The following EPHA4 variants were observed in gnomAD, a reference collection of about 807,000 sequenced individuals.
EPHA4 encodes the protein EPH receptor A4, also known as ephrin type-A receptor 4.
In EPHA4, 19 loss-of-function variants were observed where a neutral mutation model predicts 108.3. The observed-to-expected ratio is 0.18, with a 90% CI of 0.12 to 0.26. EPHA4 has a LOEUF of 0.26. Ranked by LOEUF, EPHA4 falls within the 10% of genes least tolerant of loss-of-function variation. The pLI is 1.00. For synonymous variants in EPHA4, 449 were observed against 455.5 expected, an observed-to-expected ratio of 0.99 and a Z score of 0.18; for missense variants, 917 against 1,254.0, an observed-to-expected ratio of 0.73 and a Z score of 4.06.
At chr2:221,476,050 C>T (rs1029933960) in intron 5 of EPHA4, among the ~76,000 whole-genome samples, 1 of 152,162 alleles carries the variant, frequency 6.6e-6, no homozygotes, top group Non-Finnish European at 1.5e-5. Flanking sequence ...AAAACCCCAT[C>T]TCTACTAAAA....
intron 3 of EPHA4, among the ~76,000 whole-genome samples, chr2:221,512,421 C>T (rs1029709713): frequency 2.6e-5 from 4 of 152,174 alleles, no homozygotes; most frequent in South Asian, 2.1e-4. Context: ...TCCTCACCAC[C>T]GCTAGCACAT....
chr2:221,564,158 G>A lies in EPHA4; in HGVS notation c.396C>T (p.Asp132=). 1.2e-6 allele frequency: 2 copies of A among 1,614,110 alleles called. No individual in the cohort carries two copies. Among genetic ancestry groups the A allele is most frequent in the Non-Finnish European group, 8.5e-7 (1 of 1,180,008 alleles). ...GGTTCTCTCTGATGAAACGCTCTTTGTCGTTGTCTGATTCATAGTAGTACA... is the reference window on the plus strand; with the variant it reads ...GGTTCTCTCTGATGAAACGCTCTTTATCGTTGTCTGATTCATAGTAGTACA... The part of the protein sequence containing the change: ...FNLYYYESDN[D]KERFIRENQF... The change falls in exon 3 of 18, where the codon GAC becomes GAT. Residue 132 remains aspartate, a synonymous_variant. Transcript: ENST00000281821.
chr2:221,566,854 G>GAGA lies in EPHA4; in HGVS notation c.159+1861_159+1863dup, dbSNP rs769632541. ...GAAGGAGAAGAAGGAGAAGGAGAAG[G>GAGA]AGAAGAAGAAGAAGAAGAAGAAGGA... On this transcript the variant is annotated intron_variant, in intron 2 of 17. Transcript: ENST00000281821. Among the ~76,000 whole-genome samples the GAGA allele has an allele frequency of 1.2e-3, 65 of 53,286 alleles. 8 individuals carry two copies. Among genetic ancestry groups the GAGA allele is most frequent in the South Asian group, 6.0e-3 (8 of 1,326 alleles). The allele number at this position is 53,286 out of a possible 152,430, so 35.0% of individuals were successfully genotyped here.
intron 15 of EPHA4, 144 bp from the exon 16 acceptor site, chr2:221,426,763 T>G (rs985657650): frequency 2.7e-6 from 2 of 731,396 alleles, no homozygotes; most frequent in African/African-American, 3.6e-5. Flanking sequence ...TAAATGTAAC[T>G]ATGCAATATT....
At chr2:221,491,760 A>G (rs1010110334) in intron 4 of EPHA4, among the ~76,000 whole-genome samples, 1 of 152,176 alleles carries the variant, frequency 6.6e-6, no homozygotes, top group Middle Eastern at 3.4e-3. Context: ...GTTTCTATTA[A>G]AGGTTCTTTT....
intron 3 of EPHA4, among the ~76,000 whole-genome samples, chr2:221,527,941 T>C (rs1324183612): frequency 6.6e-6 from 1 of 152,188 alleles, no homozygotes; most frequent in Non-Finnish European, 1.5e-5. Context: ...CTGAGGCTCA[T>C]GAGCAGAGAC....
intron 3 of EPHA4, among the ~76,000 whole-genome samples, chr2:221,529,583 C>G (rs1026234986): frequency 6.6e-6 from 1 of 152,188 alleles, no homozygotes; most frequent in Non-Finnish European, 1.5e-5. Context: ...TTGAGATCCT[C>G]CAGTATCAAA....
chr2:221,430,190 C>A, intron 14 of EPHA4, 39 bp from the exon 15 acceptor site: 2 of 1,554,950 alleles, frequency 1.3e-6, no homozygotes, highest in Middle Eastern at 2.4e-4. Context: ...AGCTGCCAGG[C>A]AAGCTGCTGT....
chr2:221,497,249 A>G (rs1228571663), intron 4 of EPHA4, among the ~76,000 whole-genome samples: 1 of 152,208 alleles, frequency 6.6e-6, no homozygotes, highest in Non-Finnish European at 1.5e-5. Flanking sequence ...CCCCAGAGGT[A>G]GATGGTGAGA....
At chr2:221,568,835 A>G (rs1694745746) in intron 1 of EPHA4, 50 bp from the exon 2 acceptor site, 3 of 1,527,116 alleles carry the variant, frequency 2.0e-6, no homozygotes, top group Non-Finnish European at 2.7e-6. Context: ...CAAAAAGCCA[A>G]TAACACAAAA....
intron 4 of EPHA4, among the ~76,000 whole-genome samples, chr2:221,497,382 G>A (rs1692329623): frequency 6.6e-6 from 1 of 152,168 alleles, no homozygotes; most frequent in Non-Finnish European, 1.5e-5. Flanking sequence ...GTCGCCATCA[G>A]CACTTTGTTT....
chr2:221,544,197 C>T (rs772287191), intron 3 of EPHA4, among the ~76,000 whole-genome samples: 7 of 152,322 alleles, frequency 4.6e-5, no homozygotes, highest in Non-Finnish European at 1.0e-4. Context: ...CATAAATATT[C>T]AGATCATCGT....
intron 4 of EPHA4, among the ~76,000 whole-genome samples, chr2:221,485,630 CT>C (rs1414714792): frequency 6.6e-6 from 1 of 151,970 alleles, no homozygotes; most frequent in Non-Finnish European, 1.5e-5. Context: ...AGGACACACG[CT>C]TTACAAATTA....
intron 5 of EPHA4, among the ~76,000 whole-genome samples, chr2:221,478,626 A>C (rs1211901575): frequency 6.6e-6 from 1 of 152,046 alleles, no homozygotes; most frequent in African/African-American, 2.4e-5. Context: ...TCTTCCCTTC[A>C]TTGTTTCTGG....
intron 5 of EPHA4, among the ~76,000 whole-genome samples, chr2:221,459,912 G>A (rs1691087657): frequency 6.6e-6 from 1 of 152,118 alleles, no homozygotes; most frequent in African/African-American, 2.4e-5. Context: ...CCTGATAATC[G>A]ACAGATTCCT....
rs1694825670 is a variant in EPHA4, at chr2:221,571,219, G to A, written c.91+939C>T. On this transcript the variant is annotated intron_variant, in intron 1 of 17. Transcript: ENST00000281821. The surrounding 1 kb of genome is among the most constrained non-coding windows in gnomAD (Gnocchi z 6.3). ...GCACACACACCACACATGCAGACATGCACACACACGCAGACATGCACACAC... is the reference window on the plus strand; with the variant it reads ...GCACACACACCACACATGCAGACATACACACACACGCAGACATGCACACAC... Among the ~76,000 whole-genome samples, 2 of 150,288 alleles carry A rather than the reference G, an allele frequency of 1.3e-5. No individual in the cohort carries two copies. Among genetic ancestry groups the A allele is most frequent in the South Asian group, 4.3e-4 (2 of 4,700 alleles).
In EPHA4 at chr2:221,563,792, C is replaced by G; in HGVS notation, c.762G>C (p.Leu254=). The change falls in exon 3 of 18, where the codon CTG becomes CTC. Residue 254 remains leucine, a synonymous_variant. Coordinates refer to ENST00000281821, the MANE Select transcript of EPHA4 (RefSeq NM_004438.5). ...KMYCGADGEW[L]VPIGNCLCNA... ...TGCATAGGCAGTTGCCAATGGGTAC[C>G]AGCCATTCACCATCTGCCCCACAGT... 1.9e-6 allele frequency: 3 copies of G among 1,614,244 alleles called. No individual in the cohort carries two copies. The highest frequency in any genetic ancestry group is 2.5e-6 in the Non-Finnish European group (3 of 1,180,046).
intron 3 of EPHA4, among the ~76,000 whole-genome samples, chr2:221,510,284 T>C (rs988317964): frequency 6.6e-6 from 1 of 152,218 alleles, no homozygotes; most frequent in Admixed American, 6.5e-5. Context: ...TTAGTAACTA[T>C]AGACAAGATT....
chr2:221,448,420 C>T (rs1023397902), intron 8 of EPHA4, among the ~76,000 whole-genome samples: 3 of 152,176 alleles, frequency 2.0e-5, no homozygotes, highest in Non-Finnish European at 2.9e-5. Flanking sequence ...TCAGTACATT[C>T]ACTTAAAGTG....
Sources: allele counts gnomAD v4.1 joint callset (sites outside exome capture counted in the v4.1 genomes callset), GRCh38; gene constraint gnomAD v4.1.1; non-coding constraint Gnocchi (gnomAD v3.1); transcripts MANE v1.5; gene names NCBI Gene and HGNC (gene_info 2026-07-23, HGNC 2026-07-21).